Variants in STK3 observed in about 807,000 individuals in gnomAD.
STK3 encodes the protein serine/threonine-protein kinase 3.
A neutral mutation model predicts 58.0 loss-of-function variants in STK3; 41 were observed. That is an observed-to-expected ratio of 0.71 (90% CI 0.55 to 0.92). The LOEUF is 0.92. Ranked by LOEUF, STK3 falls within the 40% of genes least tolerant of loss-of-function variation. The probability of loss-of-function intolerance (pLI) is 0.00; values close to 1 mark genes in which losing one functional copy is unlikely to be tolerated. For missense variants in STK3, 479 were observed against 602.7 expected (o/e 0.79, Z 2.15); for synonymous variants, 170 against 191.0 (o/e 0.89, Z 0.91).
chr8:98,359,533 A>AAGAAAG, the STK3 span, among the ~76,000 whole-genome samples: 2 of 142,398 alleles, frequency 1.4e-5, no homozygotes, highest in East Asian at 4.2e-4. Flanking sequence ...AAAAAAAAAA[A>AAGAAAG]AAAGAAAGAA....
In STK3 at chr8:98,825,625, A is replaced by T; in HGVS notation, c.-85T>A. The T allele has an allele frequency of 7.6e-7, 1 of 1,316,304 alleles. No homozygotes were observed. The highest frequency in any genetic ancestry group is 9.8e-7 in the Non-Finnish European group (1 of 1,025,056). 81.5% of individuals were successfully genotyped at this position (1,316,304 alleles called of 1,614,324 possible). ...GCCGGGGCACCGGCCGGCCGAGCCT[A>T]GGGCACCACAGAGGGAAACTCTGGG... On this transcript the variant is annotated 5_prime_UTR_variant, in exon 1 of 11. Coordinates refer to ENST00000419617, the MANE Select transcript of STK3 (RefSeq NM_006281.4).
At chr8:98,887,700 T>G (rs1564083353) in intron 1 of STK3, among the ~76,000 whole-genome samples, 1 of 152,078 alleles carries the variant, frequency 6.6e-6, no homozygotes, top group Non-Finnish European at 1.5e-5. Flanking sequence ...GGAAAATAGA[T>G]GTACATGAGA....
At chr8:98,857,022 A>G (rs920889934) in intron 3 of STK3, among the ~76,000 whole-genome samples, 16 of 152,134 alleles carry the variant, frequency 1.1e-4, no homozygotes, top group Non-Finnish European at 1.9e-4. Flanking sequence ...TAAAGAAAAA[A>G]CCTGGATTAA....
chr8:98,893,534 AAGAAAAAG>A (rs1361542462), intron 1 of STK3, among the ~76,000 whole-genome samples: 1 of 149,126 alleles, frequency 6.7e-6, no homozygotes, highest in East Asian at 2.0e-4. Flanking sequence ...GAAAGAAAGA[AAGAAAAAG>A]AAAGAGAAAG....
At chr8:98,595,247 C>A (rs1341123143) in intron 7 of STK3, 1 of 151,628 alleles carries the variant, frequency 6.6e-6, no homozygotes, top group African/African-American at 2.4e-5. Context: ...GTTTTCCATA[C>A]CCCTCAATAC....
At chr8:98,833,526 G>T (rs191511996) in intron 3 of STK3, among the ~76,000 whole-genome samples, 2 of 152,314 alleles carry the variant, frequency 1.3e-5, no homozygotes, top group Non-Finnish European at 2.9e-5. Flanking sequence ...AGACAGCTTT[G>T]CAGGGCCATT....
At chr8:98,563,904 A>G (rs978958298) in intron 8 of STK3, among the ~76,000 whole-genome samples, 35 of 152,246 alleles carry the variant, frequency 2.3e-4, no homozygotes, top group Admixed American at 2.0e-3. Context: ...TGTAGAAAAA[A>G]TTCTAAATAC....
chr8:98,749,166 C>A, intron 4 of STK3, 110 bp downstream of exon 4: 3 of 787,702 alleles, frequency 3.8e-6, no homozygotes, highest in Non-Finnish European at 6.1e-6. Flanking sequence ...CACTTAAAAC[C>A]TTTTCTTTTT....
At chr8:98,731,181 A>C (rs1828170674) in intron 4 of STK3, among the ~76,000 whole-genome samples, 1 of 152,222 alleles carries the variant, frequency 6.6e-6, no homozygotes, top group Non-Finnish European at 1.5e-5. Context: ...AGAAGGTCAT[A>C]ACCAAGAGCA....
chr8:98,378,234 C>T (rs1430290315), intron 2 of STK3, among the ~76,000 whole-genome samples: 1 of 152,228 alleles, frequency 6.6e-6, no homozygotes, highest in Non-Finnish European at 1.5e-5. Context: ...ACCCTGAGGT[C>T]TGTTCCTTTG....
chr8:98,854,232 G>A (rs577010471), intron 3 of STK3, among the ~76,000 whole-genome samples: 11 of 152,044 alleles, frequency 7.2e-5, no homozygotes, highest in South Asian at 4.2e-4. Flanking sequence ...TCTGCCTCCC[G>A]GGTTCAAGTG....
At chr8:98,859,803 G>A (rs994216609) in intron 3 of STK3, among the ~76,000 whole-genome samples, 1 of 152,172 alleles carries the variant, frequency 6.6e-6, no homozygotes, top group East Asian at 1.9e-4. Flanking sequence ...GCATTTCTTG[G>A]GCTCTGATAG....
intron 6 of STK3, chr8:98,651,767 A>G (rs1360127054): frequency 6.6e-6 from 1 of 152,186 alleles, no homozygotes; most frequent in Non-Finnish European, 1.5e-5. Flanking sequence ...TGAAGCGAGA[A>G]GGGAAGTTTA....
chr8:98,630,637 A>T (rs1205418205), intron 6 of STK3, among the ~76,000 whole-genome samples: 1 of 151,042 alleles, frequency 6.6e-6, no homozygotes, highest in Non-Finnish European at 1.5e-5. Flanking sequence ...AGAGGAACAG[A>T]AGAAGAAGGA....
Position 98,548,030 on chromosome 8 carries a change from G to A in STK3, c.1080C>T (p.Ser360=), listed in dbSNP as rs764933237. 1.1e-5 allele frequency: 18 copies of A among 1,609,558 alleles called. No individual in the cohort carries two copies. Among genetic ancestry groups the A allele is most frequent in the South Asian group, 6.6e-5 (6 of 90,338 alleles). ...TGTTTATCACCATGGTCCCCAAGTCGGATTCCAACATCGTGCTATTATGTT... is the reference window on the plus strand; with the variant it reads ...TGTTTATCACCATGGTCCCCAAGTCAGATTCCAACATCGTGCTATTATGTT... The part of the protein sequence containing the change: ...MIEHNSTMLE[S]DLGTMVINSE... Residue 360 remains serine (S), a synonymous_variant, in exon 9 of 11, where the codon TCC becomes TCT. Coordinates refer to ENST00000419617, the MANE Select transcript of STK3 (RefSeq NM_006281.4).
intron 6 of STK3, among the ~76,000 whole-genome samples, chr8:98,694,552 C>T (rs975814010): frequency 1.3e-5 from 2 of 152,110 alleles, no homozygotes; most frequent in African/African-American, 4.8e-5. Context: ...TTCCTTTGTC[C>T]ATATGTTCTC....
chr8:98,423,228 G>C (rs892474092), intron 3 of STK3, among the ~76,000 whole-genome samples: 4 of 152,242 alleles, frequency 2.6e-5, no homozygotes, highest in Admixed American at 6.5e-5. Flanking sequence ...TACGTGTCGT[G>C]AAGGCACAAG....
intron 6 of STK3, among the ~76,000 whole-genome samples, chr8:98,679,396 T>A (rs1457008128): frequency 6.6e-6 from 1 of 152,208 alleles, no homozygotes; most frequent in African/African-American, 2.4e-5. Flanking sequence ...CAGTATCATC[T>A]TCTCAATGAG....
the STK3 span, among the ~76,000 whole-genome samples, chr8:98,359,898 G>A: frequency 7.2e-5 from 11 of 152,240 alleles, no homozygotes; most frequent in Middle Eastern, 3.4e-3. Flanking sequence ...CCAGTGGCAT[G>A]GGAAGGGTAA....
Sources: gnomAD v4.1 joint callset for allele counts (sites outside exome capture counted in the v4.1 genomes callset) on GRCh38, gnomAD v4.1.1 for gene constraint, MANE v1.5 for transcripts, NCBI Gene and HGNC (gene_info 2026-07-23, HGNC 2026-07-21) for gene names.